Variants in OPCML observed in about 807,000 individuals in gnomAD.
OPCML encodes the protein opioid-binding protein/cell adhesion molecule.
A neutral mutation model predicts 37.8 loss-of-function variants in OPCML; 13 were observed. That is an observed-to-expected ratio of 0.34 (90% CI 0.22 to 0.55). The LOEUF (loss-of-function observed/expected upper bound fraction) is 0.55. OPCML is among the 20% of genes least tolerant of loss of function. The pLI is 0.91. For missense variants in OPCML, 341 were observed against 435.6 expected, an observed-to-expected ratio of 0.78 and a Z score of 1.93; for synonymous variants, 176 against 168.8, an observed-to-expected ratio of 1.04 and a Z score of -0.33.
At chr11:132,885,260 T>C (rs529889911) in intron 2 of OPCML, among the ~76,000 whole-genome samples, 2 of 152,196 alleles carry the variant, frequency 1.3e-5, no homozygotes, top group African/African-American at 4.8e-5. Context: ...TGCATCTCTA[T>C]GGGCTGCAAA....
In OPCML at chr11:132,888,681, A is replaced by C; in HGVS notation, c.146+54245T>G. The stretch of plus-strand genomic sequence containing the variant: ...CTCTTTCTCAGTCTCCCCATAAATC[A>C]CTGAAAATCACCTTACCATTCCCTG... On this transcript the variant is annotated intron_variant, in intron 2 of 7. Transcript: ENST00000524381. Among the ~76,000 whole-genome samples the C allele has an allele frequency of 1.3e-5, 2 of 152,076 alleles. 1 individual carries two copies. The highest frequency in any genetic ancestry group is 2.9e-5 in the Non-Finnish European group (2 of 68,032).
In OPCML at chr11:132,477,965, A is replaced by C. The variant is rs1262569932; in HGVS notation, c.506-40606T>G. ...TGTATGCATATATTTCTGAGATAAT[A>C]GCAAATAGAATTGCTTATTCATTTT... On this transcript the variant is annotated intron_variant, in intron 4 of 7. Transcript: ENST00000524381. 7.2e-5 allele frequency among the ~76,000 whole-genome samples: 11 copies of C among 152,372 alleles called. No individual in the cohort carries two copies. In the East Asian group the frequency reaches 2.1e-3, roughly 29 times the overall value.
At chr11:133,398,205 T>A (rs1426147430) in intron 1 of OPCML, among the ~76,000 whole-genome samples, 2 of 152,208 alleles carry the variant, frequency 1.3e-5, no homozygotes, top group African/African-American at 2.4e-5. Context: ...CTCATGGCAA[T>A]TAAGATTTAT....
chr11:133,121,228 T>C (rs1428232785), intron 1 of OPCML, among the ~76,000 whole-genome samples: 1 of 152,180 alleles, frequency 6.6e-6, no homozygotes, highest in Non-Finnish European at 1.5e-5. Context: ...CTCCATCATA[T>C]TCATTTAGCT....
chr11:132,865,077 G>A (rs1377361105), intron 2 of OPCML, among the ~76,000 whole-genome samples: 4 of 152,232 alleles, frequency 2.6e-5, no homozygotes, highest in Admixed American at 6.5e-5. Context: ...TTGATTTACC[G>A]ATGCAGGCAG....
In OPCML at chr11:133,140,814, C is replaced by T. The variant is rs76022991; in HGVS notation, c.62-197804G>A. 5.5e-4 allele frequency among the ~76,000 whole-genome samples: 39 copies of T among 70,900 alleles called. 1 individual carries two copies. The highest frequency in any genetic ancestry group is 1.8e-3 in the African/African-American group (33 of 17,880). 46.5% of individuals were successfully genotyped at this position (70,900 alleles called of 152,430 possible). Reference sequence around the variant, plus strand: ...AAGAAGAAGAAGAAGAAGACGACGACGAAGAAGAAGACGACGACGAAGAAG... The same window carrying T: ...AAGAAGAAGAAGAAGAAGACGACGATGAAGAAGAAGACGACGACGAAGAAG... On this transcript the variant is annotated intron_variant, in intron 1 of 7. Coordinates refer to ENST00000524381, the MANE Select transcript of OPCML (RefSeq NM_001012393.5).
intron 1 of OPCML, among the ~76,000 whole-genome samples, chr11:133,318,682 T>A (rs577602104): frequency 3.2e-4 from 48 of 152,312 alleles, no homozygotes; most frequent in African/African-American, 1.1e-3. Context: ...GTTCACCCTG[T>A]CGCATTTAGT....
At position 133,479,665 on chromosome 11, in the gene OPCML, C is replaced by A. The variant is rs1306613695; in HGVS notation, c.61+52599G>T. ...ACAATTGACCCTGCCACTGCTCACA[C>A]TGTTGAGTGGGGTCCTCACCCATTT... On this transcript the variant is annotated intron_variant, in intron 1 of 7. Transcript: ENST00000524381. Among the ~76,000 whole-genome samples the A allele has an allele frequency of 2.6e-5, 4 of 152,344 alleles. 1 individual carries two copies. The highest frequency in any genetic ancestry group is 6.8e-3 in the Middle Eastern group (2 of 294).
At chr11:132,509,765 G>A (rs572527508) in intron 4 of OPCML, among the ~76,000 whole-genome samples, 5 of 152,342 alleles carry the variant, frequency 3.3e-5, no homozygotes, top group Admixed American at 2.6e-4. Context: ...TGGATGCCCA[G>A]GCAAAAGTTT....
chr11:133,092,783 A>T (rs1240326189), intron 1 of OPCML, among the ~76,000 whole-genome samples: 1 of 152,106 alleles, frequency 6.6e-6, no homozygotes, highest in African/African-American at 2.4e-5. Flanking sequence ...TTTCTCTGTG[A>T]GAAGGTTGGT....
At chr11:133,155,546 A>T (rs905394148) in intron 1 of OPCML, among the ~76,000 whole-genome samples, 1 of 151,960 alleles carries the variant, frequency 6.6e-6, no homozygotes, top group Non-Finnish European at 1.5e-5. Context: ...AATTCCTTGC[A>T]TGCAAAGGCC....
At chr11:132,902,605 A>C (rs1003618990) in intron 2 of OPCML, among the ~76,000 whole-genome samples, 9 of 152,192 alleles carry the variant, frequency 5.9e-5, no homozygotes, top group African/African-American at 2.2e-4. Flanking sequence ...AGAAAATGAC[A>C]ACCCAGAAGT....
At chr11:132,496,400 A>G (rs956701735) in intron 4 of OPCML, among the ~76,000 whole-genome samples, 11 of 152,364 alleles carry the variant, frequency 7.2e-5, no homozygotes, top group African/African-American at 2.6e-4. Flanking sequence ...TTATAGGAAT[A>G]CATATCTTAC....
At chr11:132,612,006 T>C (rs141224513) in intron 3 of OPCML, among the ~76,000 whole-genome samples, 1 of 152,184 alleles carries the variant, frequency 6.6e-6, no homozygotes, top group Non-Finnish European at 1.5e-5. Flanking sequence ...CTGACCTTGG[T>C]GTTTGATTAT....
At chr11:133,330,272 G>A (rs1453081331) in intron 1 of OPCML, among the ~76,000 whole-genome samples, 1 of 152,236 alleles carries the variant, frequency 6.6e-6, no homozygotes, top group Non-Finnish European at 1.5e-5. Flanking sequence ...GTGGAAGTCA[G>A]TGTGGCGATT....
intron 3 of OPCML, among the ~76,000 whole-genome samples, chr11:132,652,227 A>ACAGCCT (rs1440771310): frequency 6.6e-6 from 1 of 152,128 alleles, no homozygotes; most frequent in Non-Finnish European, 1.5e-5. Flanking sequence ...TGCCCCCCTC[A>ACAGCCT]CAGCCTCTCT....
chr11:133,180,662 T>A (rs915292594), intron 1 of OPCML, among the ~76,000 whole-genome samples: 1 of 151,936 alleles, frequency 6.6e-6, no homozygotes, highest in Non-Finnish European at 1.5e-5. Context: ...GGAGGGGCTG[T>A]GAGTAGGATG....
At chr11:132,964,107 G>C (rs1028801924) in intron 1 of OPCML, among the ~76,000 whole-genome samples, 2 of 152,202 alleles carry the variant, frequency 1.3e-5, no homozygotes, top group Non-Finnish European at 2.9e-5. Context: ...TGGTGCTGTT[G>C]AGAGGAAAGT....
chr11:133,170,504 G>T, intron 1 of OPCML, among the ~76,000 whole-genome samples: 1 of 149,382 alleles, frequency 6.7e-6, no homozygotes, highest in East Asian at 1.9e-4. Flanking sequence ...AAACAAAAAA[G>T]GATATAGCAA....
Sources: allele counts gnomAD v4.1 joint callset (sites outside exome capture counted in the v4.1 genomes callset), GRCh38; gene constraint gnomAD v4.1.1; transcripts MANE v1.5; gene names NCBI Gene and HGNC (gene_info 2026-07-23, HGNC 2026-07-21).